APBA1: variants seen among roughly 807,000 people sequenced by gnomAD.
The protein encoded by APBA1 is amyloid-beta A4 precursor protein-binding family A member 1.
Under a neutral mutation model 86.6 loss-of-function variants are expected in APBA1, and 55 were observed. The ratio of observed to expected loss-of-function variants is 0.64; its 90% CI spans 0.51 to 0.80. The LOEUF is 0.80. Among genes scored for constraint, APBA1 ranks in the 30% least tolerant of loss-of-function variants. The pLI is 0.00. For missense variants in APBA1, 1,090 were observed against 1,183.0 expected, an observed-to-expected ratio of 0.92 and a Z score of 1.15; for synonymous variants, 511 against 493.9, an observed-to-expected ratio of 1.03 and a Z score of -0.46.
Position 69,431,247 on chromosome 9 carries a change from A to T in APBA1, c.*80T>A. On this transcript the variant is annotated 3_prime_UTR_variant, in exon 13 of 13. Coordinates refer to ENST00000265381, the MANE Select transcript of APBA1 (RefSeq NM_001163.4). ...GCTGGGCGCGAGAGGGGAAAGTCTCAGTGGACACAGGGATGCAGCACGAGA... is the reference window on the plus strand; with the variant it reads ...GCTGGGCGCGAGAGGGGAAAGTCTCTGTGGACACAGGGATGCAGCACGAGA... 8.8e-7 allele frequency: 1 copy of T among 1,129,948 alleles called. No homozygotes were observed. 70.0% of individuals were successfully genotyped at this position (1,129,948 alleles called of 1,614,324 possible).
In APBA1 at chr9:69,456,232, G is replaced by A. The variant is rs749223214; in HGVS notation, c.1788+15C>T. ...GAACCTAACCCAAAAGGAGATCAAA[G>A]GAAGCAACCCTTACATCCTCAGACT... On this transcript the variant is annotated intron_variant, in intron 8 of 12. Coordinates refer to ENST00000265381, the MANE Select transcript of APBA1 (RefSeq NM_001163.4). 2 of 1,614,138 alleles carry A rather than the reference G, an allele frequency of 1.2e-6. No individual in the cohort carries two copies. Among genetic ancestry groups the A allele is most frequent in the Non-Finnish European group, 1.7e-6 (2 of 1,179,996 alleles).
At chr9:69,658,330 C>CTT (rs1823677750) in intron 1 of APBA1, among the ~76,000 whole-genome samples, 1 of 137,940 alleles carries the variant, frequency 7.2e-6, no homozygotes, top group Non-Finnish European at 1.6e-5. Context: ...TTCTTTCTTT[C>CTT]TTTCTTTCTT....
chr9:69,618,483 A>G (rs1388985539), intron 1 of APBA1, among the ~76,000 whole-genome samples: 2 of 152,256 alleles, frequency 1.3e-5, no homozygotes, highest in Non-Finnish European at 2.9e-5. Context: ...AAGTACTTGA[A>G]TAATTGTTCT....
In APBA1 at chr9:69,467,952, G is replaced by A. The variant is rs1835307132; in HGVS notation, c.1353C>T (p.Asp451=). The change falls in exon 5 of 13, where the codon GAC becomes GAT. Residue 451 remains aspartate (D), a synonymous_variant. Coordinates refer to ENST00000265381, the MANE Select transcript of APBA1 (RefSeq NM_001163.4). ...PTYVEVPGPC[D]PEDLIDGIIF... ...TGATTCCATCGATCAAGTCTTCGGG[G>A]TCGCAGGGTCCCGGAACTGTAACAC... 6.2e-7 allele frequency: 1 copy of A among 1,614,172 alleles called. No homozygotes were observed. The highest frequency in any genetic ancestry group is 1.1e-5 in the South Asian group (1 of 91,084).
intron 1 of APBA1, among the ~76,000 whole-genome samples, chr9:69,590,059 C>A (rs989877264): frequency 9.9e-5 from 15 of 152,284 alleles, no homozygotes; most frequent in Non-Finnish European, 1.5e-4. Context: ...TAAGCCTCAG[C>A]TCCAATGACA....
Position 69,615,922 on chromosome 9 carries a change from G to A in APBA1, c.-70+56231C>T, listed in dbSNP as rs1025244092. ...CTCAATACCATAAACAGAGACATTCGGACTGCAAACCAGGACAAGAAATTG... is the reference window on the plus strand; with the variant it reads ...CTCAATACCATAAACAGAGACATTCAGACTGCAAACCAGGACAAGAAATTG... On this transcript the variant is annotated intron_variant, in intron 1 of 12. Transcript: ENST00000265381. Among the ~76,000 whole-genome samples, 6 of 152,272 alleles carry A rather than the reference G, an allele frequency of 3.9e-5. No homozygotes were observed. In the East Asian group the frequency reaches 9.6e-4, roughly 24 times the overall value.
intron 1 of APBA1, among the ~76,000 whole-genome samples, chr9:69,576,545 T>C (rs1236778469): frequency 6.6e-6 from 1 of 152,228 alleles, no homozygotes; most frequent in Admixed American, 6.5e-5. Flanking sequence ...GATGAGTTCA[T>C]GTCTTTTGTA....
chr9:69,523,475 A>ATGTGTATATATATATATATATATG, intron 1 of APBA1, among the ~76,000 whole-genome samples: 1 of 83,418 alleles, frequency 1.2e-5, no homozygotes, highest in African/African-American at 5.7e-5. Flanking sequence ...ATATATATAT[A>ATGTGTATATATATATATATATATG]TGTATATATA....
intron 10 of APBA1, among the ~76,000 whole-genome samples, chr9:69,444,463 C>T (rs2133799239): frequency 6.6e-6 from 1 of 152,344 alleles, no homozygotes; most frequent in South Asian, 2.1e-4. Flanking sequence ...TTTGTTTCTG[C>T]TACCCCAAGC....
chr9:69,535,848 G>A (rs945609808), intron 1 of APBA1, among the ~76,000 whole-genome samples: 14 of 151,800 alleles, frequency 9.2e-5, no homozygotes, highest in Non-Finnish European at 1.9e-4. Flanking sequence ...TAAATATTAT[G>A]CCTTTTTAGA....
At chr9:69,432,056 G>A (rs1045318229) in intron 12 of APBA1, among the ~76,000 whole-genome samples, 3 of 152,242 alleles carry the variant, frequency 2.0e-5, no homozygotes, top group Admixed American at 1.3e-4. Flanking sequence ...ATGACTGATA[G>A]GAGTGATGAA....
chr9:69,576,113 A>G (rs1226172165), intron 1 of APBA1, among the ~76,000 whole-genome samples: 1 of 152,250 alleles, frequency 6.6e-6, no homozygotes, highest in Non-Finnish European at 1.5e-5. Flanking sequence ...AAAAATGCTC[A>G]TCATCACTGG....
intron 1 of APBA1, among the ~76,000 whole-genome samples, chr9:69,559,441 G>A (rs1474286625): frequency 6.6e-6 from 1 of 151,990 alleles, no homozygotes; most frequent in Non-Finnish European, 1.5e-5. Context: ...TATTAATTTA[G>A]CCTATTTTTT....
At position 69,431,339 on chromosome 9, in the gene APBA1, A is replaced by C; in HGVS notation, c.2502T>G (p.Pro834=). 1 of 1,611,466 alleles carries C rather than the reference A, an allele frequency of 6.2e-7. No homozygotes were observed. Among genetic ancestry groups the C allele is most frequent in the Non-Finnish European group, 8.5e-7 (1 of 1,178,920 alleles). ...MYRLLTAQEQ[P]VYI is the part of the protein sequence containing the mutation. Reference sequence around the variant, plus strand: ...CGTGTGGCCGCGGTCAGATGTAAACAGGCTGCTCCTGGGCCGTCAGCAGCC... The same window carrying C: ...CGTGTGGCCGCGGTCAGATGTAAACCGGCTGCTCCTGGGCCGTCAGCAGCC... Residue 834 remains proline, a synonymous_variant, in exon 13 of 13, where the codon CCT becomes CCG. Transcript: ENST00000265381.
At chr9:69,672,599 G>T (rs542621503), upstream of APBA1, 44 of 150,532 alleles carry the variant, frequency 2.9e-4, no homozygotes, top group African/African-American at 1.0e-3. Flanking sequence ...GTGGGCCGCC[G>T]GCTGCAGCGC....
intron 1 of APBA1, among the ~76,000 whole-genome samples, chr9:69,632,989 G>A (rs1013621940): frequency 3.3e-5 from 5 of 151,886 alleles, no homozygotes; most frequent in Non-Finnish European, 5.9e-5. Flanking sequence ...GCTGGGTCAT[G>A]ATGGTCATCA....
intron 1 of APBA1, among the ~76,000 whole-genome samples, chr9:69,542,664 G>A (rs1005850644): frequency 6.6e-6 from 1 of 152,214 alleles, no homozygotes; most frequent in African/African-American, 2.4e-5. Context: ...TAGATTGTGT[G>A]TATGGTAAGG....
intron 1 of APBA1, among the ~76,000 whole-genome samples, chr9:69,561,581 T>A (rs1836946071): frequency 6.6e-6 from 1 of 152,094 alleles, no homozygotes; most frequent in African/African-American, 2.4e-5. Flanking sequence ...CTGACTGTAG[T>A]TGATTTGGGG....
chr9:69,434,490 C>A (rs1834663163), intron 11 of APBA1, among the ~76,000 whole-genome samples: 1 of 151,910 alleles, frequency 6.6e-6, no homozygotes. Context: ...AGGTGGATCA[C>A]AAGGTCAGGA....
Sources: gnomAD v4.1 joint callset for allele counts (sites outside exome capture counted in the v4.1 genomes callset) on GRCh38, gnomAD v4.1.1 for gene constraint, MANE v1.5 for transcripts, NCBI Gene and HGNC (gene_info 2026-07-23, HGNC 2026-07-21) for gene names.